The following ASH1L variants were observed in gnomAD, a reference collection of about 807,000 sequenced individuals.
ASH1L encodes ASH1 like histone lysine methyltransferase.
A neutral mutation model predicts 269.0 loss-of-function variants in ASH1L; 23 were observed. The ratio of observed to expected loss-of-function variants is 0.09; its 90% CI spans 0.06 to 0.12. The LOEUF (loss-of-function observed/expected upper bound fraction) is 0.12. Ranked by LOEUF, ASH1L falls within the 10% of genes least tolerant of loss-of-function variation. ASH1L has a pLI of 1.00. For synonymous variants in ASH1L, 1,187 were observed against 1,253.5 expected, an observed-to-expected ratio of 0.95 and a Z score of 1.12; for missense variants, 2,912 against 3,567.8, an observed-to-expected ratio of 0.82 and a Z score of 4.68.
At chr1:155,357,196 G>T in intron 15 of ASH1L, 120 bp downstream of exon 15, 1 of 463,402 alleles carries the variant, frequency 2.2e-6, no homozygotes, top group Non-Finnish European at 3.7e-6. Context: ...TAGATCCCCT[G>T]AACCCTTTGG....
At chr1:155,560,055 C>T (rs1221316524) in intron 1 of ASH1L, among the ~76,000 whole-genome samples, 1 of 151,860 alleles carries the variant, frequency 6.6e-6, no homozygotes, top group African/African-American at 2.4e-5. Flanking sequence ...AAACATGGAC[C>T]CTAAAGTTCT....
intron 2 of ASH1L, among the ~76,000 whole-genome samples, chr1:155,505,309 C>T (rs1340835203): frequency 6.6e-6 from 1 of 152,198 alleles, no homozygotes; most frequent in African/African-American, 2.4e-5. Context: ...AGCATGAGCC[C>T]TTCTTTGCAT....
intron 4 of ASH1L, among the ~76,000 whole-genome samples, chr1:155,447,134 G>C (rs1057311770): frequency 7.2e-5 from 11 of 152,154 alleles, no homozygotes; most frequent in African/African-American, 2.4e-4. Flanking sequence ...CCCAATCTTA[G>C]GGAGGAAGCT....
intron 21 of ASH1L, 157 bp from the exon 22 acceptor site, chr1:155,344,430 T>C: frequency 1.7e-6 from 1 of 574,418 alleles, no homozygotes; most frequent in Admixed American, 3.2e-5. Context: ...CTGTTAAACC[T>C]GGAAAAGTGA....
intron 7 of ASH1L, among the ~76,000 whole-genome samples, chr1:155,390,640 C>G (rs979606862): frequency 5.9e-5 from 8 of 136,692 alleles, no homozygotes; most frequent in South Asian, 2.8e-4. Context: ...TCTCCCCCCC[C>G]CCCCTTTTTT....
intron 7 of ASH1L, among the ~76,000 whole-genome samples, chr1:155,386,058 G>A (rs960569493): frequency 1.3e-5 from 2 of 151,434 alleles, no homozygotes; most frequent in Admixed American, 6.6e-5. Flanking sequence ...GTCTGTTCAT[G>A]TCCCTTGCCC....
At chr1:155,482,533 G>T (rs1030646744) in intron 2 of ASH1L, 84 bp from the exon 3 acceptor site, 9 of 1,369,028 alleles carry the variant, frequency 6.6e-6, no homozygotes, top group African/African-American at 1.5e-5. Flanking sequence ...CAAACTAATG[G>T]ATCACATATC....
chr1:155,472,943 T>C (rs72993479), intron 3 of ASH1L, among the ~76,000 whole-genome samples: 243 of 152,168 alleles, frequency 1.6e-3, no homozygotes, highest in African/African-American at 5.7e-3. Flanking sequence ...CTCCCTATTC[T>C]CTCCCAAGGA....
intron 1 of ASH1L, among the ~76,000 whole-genome samples, chr1:155,555,107 A>C (rs1286611450): frequency 6.8e-6 from 1 of 147,736 alleles, no homozygotes; most frequent in Non-Finnish European, 1.5e-5. Flanking sequence ...GTGCCACTAC[A>C]CTTCAGCTTT....
chr1:155,383,997 T>C (rs920169003), intron 7 of ASH1L, among the ~76,000 whole-genome samples: 1 of 151,994 alleles, frequency 6.6e-6, no homozygotes. Context: ...TTTAAAAGAG[T>C]AAATTGGATG....
At chr1:155,384,175 C>CT (rs1035717304) in intron 7 of ASH1L, among the ~76,000 whole-genome samples, 31 of 151,976 alleles carry the variant, frequency 2.0e-4, no homozygotes, top group African/African-American at 3.6e-4. Context: ...TCCAAAGTGT[C>CT]TTTTTTTTAA....
chr1:155,365,394 T>TTTTG (rs1655325280), intron 12 of ASH1L, among the ~76,000 whole-genome samples: 1 of 143,156 alleles, frequency 7.0e-6, no homozygotes, highest in African/African-American at 2.6e-5. Context: ...TTTTTTTTTT[T>TTTTG]GTATTTTTAG....
rs1037469649 is a variant in ASH1L at position 155,420,630 on chromosome 1, C to T, written c.5829-4707G>A. ...CTTTGGGAGGCCGAAGTAGGTGGAT[C>T]ACTTGAGGTCAGGAGTTTGAGACCA... On this transcript the variant is annotated intron_variant, in intron 5 of 27. Coordinates refer to ENST00000392403, the MANE Select transcript of ASH1L (RefSeq NM_018489.3). 4.0e-5 allele frequency among the ~76,000 whole-genome samples: 6 copies of T among 150,824 alleles called. 1 individual carries two copies. The South Asian group carries it at 1.1e-3, about 26-fold the overall frequency.
upstream of ASH1L, chr1:155,562,948 C>A (rs553828691): frequency 8.4e-4 from 383 of 457,108 alleles, no homozygotes; most frequent in African/African-American, 6.7e-3. Context: ...CACAATCCCC[C>A]CCGCGGGACT....
intron 7 of ASH1L, among the ~76,000 whole-genome samples, chr1:155,384,491 G>GT (rs1044974243): frequency 1.2e-4 from 17 of 146,666 alleles, no homozygotes; most frequent in Admixed American, 1.4e-4. Flanking sequence ...GTTTTTTTTT[G>GT]TTTTTTTTAT....
intron 7 of ASH1L, among the ~76,000 whole-genome samples, chr1:155,380,332 A>C (rs559076866): frequency 2.6e-5 from 4 of 152,282 alleles, no homozygotes; most frequent in Admixed American, 6.5e-5. Context: ...AATAGTCTAC[A>C]TAAAACAACA....
chr1:155,460,968 T>C (rs1664257027), intron 3 of ASH1L, among the ~76,000 whole-genome samples: 1 of 152,202 alleles, frequency 6.6e-6, no homozygotes, highest in Non-Finnish European at 1.5e-5. Context: ...TTCTTTATAA[T>C]CTAAAATGCC....
At chr1:155,509,322 C>T (rs1668017503) in intron 2 of ASH1L, among the ~76,000 whole-genome samples, 1 of 152,020 alleles carries the variant, frequency 6.6e-6, no homozygotes, top group African/African-American at 2.4e-5. Context: ...CACACCACCG[C>T]ACCACAGCCT....
intron 4 of ASH1L, among the ~76,000 whole-genome samples, chr1:155,442,311 G>A (rs1260374961): frequency 2.0e-5 from 3 of 151,538 alleles, no homozygotes; most frequent in South Asian, 2.1e-4. Flanking sequence ...ACAAAGGCCC[G>A]GCAAGGTGGC....
Sources: gnomAD v4.1 joint callset for allele counts (sites outside exome capture counted in the v4.1 genomes callset) on GRCh38, gnomAD v4.1.1 for gene constraint, MANE v1.5 for transcripts, NCBI Gene and HGNC (gene_info 2026-07-23, HGNC 2026-07-21) for gene names.